The following DAB2IP variants were observed in gnomAD, a reference collection of about 807,000 sequenced individuals.
DAB2IP encodes the protein DAB2 interacting protein.
In DAB2IP, 28 loss-of-function variants were observed where a neutral mutation model predicts 107.2. The observed-to-expected ratio is 0.26, with a 90% confidence interval of 0.19 to 0.36. The LOEUF (loss-of-function observed/expected upper bound fraction) is 0.36. Among genes scored for constraint, DAB2IP ranks in the 10% least tolerant of loss-of-function variants. The pLI is 1.00. For missense variants in DAB2IP, 1,400 were observed against 1,644.7 expected (o/e 0.85, Z 2.57); for synonymous variants, 755 against 706.4 (o/e 1.07, Z -1.09).
chr9:121,644,378 C>T (rs1393132842), intron 1 of DAB2IP, among the ~76,000 whole-genome samples: 2 of 152,140 alleles, frequency 1.3e-5, no homozygotes, highest in Non-Finnish European at 2.9e-5. Flanking sequence ...AGGTGGATCA[C>T]CTGAGGTCAG....
intron 1 of DAB2IP, among the ~76,000 whole-genome samples, chr9:121,655,577 C>T (rs1832937107): frequency 6.6e-6 from 1 of 152,154 alleles, no homozygotes; most frequent in Non-Finnish European, 1.5e-5. Context: ...TTCTAGGGGA[C>T]AGAGCAGTGG....
At chr9:121,654,529 G>A (rs1185797745) in intron 1 of DAB2IP, among the ~76,000 whole-genome samples, 1 of 152,112 alleles carries the variant, frequency 6.6e-6, no homozygotes, top group African/African-American at 2.4e-5. Context: ...GTGGAGGCTG[G>A]AGGCACCCTG....
In DAB2IP at chr9:121,736,038, G is replaced by C. The variant is rs1183637693; in HGVS notation, c.363-20975G>C. On this transcript the variant is annotated intron_variant, in intron 3 of 15. Coordinates refer to ENST00000408936, the Ensembl canonical transcript of DAB2IP. This position sits in a 1 kb window ranked among gnomAD's most constrained non-coding sequence, Gnocchi z 4.6. ...GGGTGCTTTCCAGAAGAGAAAACCC[G>C]GGACTGCTGCCTGGGAACCCAGTGC... 6.6e-6 allele frequency among the ~76,000 whole-genome samples: 1 copy of C among 152,216 alleles called. No individual in the cohort carries two copies. Among genetic ancestry groups the C allele is most frequent in the Non-Finnish European group, 1.5e-5 (1 of 68,038 alleles).
At chr9:121,668,073 A>G (rs2119109070) in intron 1 of DAB2IP, among the ~76,000 whole-genome samples, 1 of 152,298 alleles carries the variant, frequency 6.6e-6, no homozygotes, top group East Asian at 1.9e-4. Context: ...AACCGCCCCC[A>G]TGATCTAAAT....
rs1024556553 is a variant in DAB2IP at position 121,604,891 on chromosome 9, C to A, written c.40+37663C>A. On this transcript the variant is annotated intron_variant, in intron 1 of 16. Transcript: ENST00000259371. ...GCTCCAACTGCCGTGCCTGCACCCC[C>A]CTCCTCAACAGAGTCAAGTGGAGAG... is the stretch of plus-strand genomic sequence containing the variant. Among the ~76,000 whole-genome samples, 6 of 152,342 alleles carry A rather than the reference C, an allele frequency of 3.9e-5. No individual in the cohort carries two copies. In the South Asian group the frequency reaches 1.2e-3, roughly 32 times the overall value.
chr9:121,760,672 T>A lies in DAB2IP; in HGVS notation c.1170+233T>A, dbSNP rs1833821406. Among the ~76,000 whole-genome samples, 2 of 152,102 alleles carry A rather than the reference T, an allele frequency of 1.3e-5. No individual in the cohort carries two copies. The highest frequency in any genetic ancestry group is 6.5e-5 in the Admixed American group (1 of 15,278). On this transcript the variant is annotated intron_variant, in intron 6 of 15. Coordinates refer to ENST00000408936, the Ensembl canonical transcript of DAB2IP. The surrounding 1 kb of genome is among the most constrained non-coding windows in gnomAD (Gnocchi z 5.9). ...TGGAGCCAGTGGATGGGATTGCAGCTGGTAGTGAGGGAGTGGGCTTGGGTT... is the reference window on the plus strand; with the variant it reads ...TGGAGCCAGTGGATGGGATTGCAGCAGGTAGTGAGGGAGTGGGCTTGGGTT...
intron 1 of DAB2IP, among the ~76,000 whole-genome samples, chr9:121,606,193 GA>G (rs201024028): frequency 1.3e-5 from 2 of 150,532 alleles, no homozygotes; most frequent in African/African-American, 2.4e-5. Context: ...AATACAAAAA[GA>G]AAAAAAAATA....
At chr9:121,606,779 T>G (rs1830893293) in intron 1 of DAB2IP, among the ~76,000 whole-genome samples, 3 of 151,666 alleles carry the variant, frequency 2.0e-5, no homozygotes, top group Admixed American at 6.6e-5. Context: ...GTTTTTTGTT[T>G]TTTTTTTTTT....
At chr9:121,778,482 T>A (rs1389187781) in intron 14 of DAB2IP, among the ~76,000 whole-genome samples, 2 of 152,234 alleles carry the variant, frequency 1.3e-5, no homozygotes, top group Admixed American at 6.5e-5. Flanking sequence ...TTAATGTAAT[T>A]ATTGATATAT....
rs1835649974 is a variant in DAB2IP at position 121,781,558 on chromosome 9, G to T, written c.3402+7G>T. On this transcript the variant is annotated splice_region_variant and intron_variant, in intron 15 of 15. Transcript: ENST00000408936. ...GAAGATCATTGATGCCCAGGTGGGG[G>T]CTCCGGCCCTTTGGTCAGCCACAAG... 6.2e-7 allele frequency: 1 copy of T among 1,613,316 alleles called. No homozygotes were observed. Among genetic ancestry groups the T allele is most frequent in the African/African-American group, 1.3e-5 (1 of 74,774 alleles).
At chr9:121,707,599 T>G (rs1013809504) in intron 3 of DAB2IP, among the ~76,000 whole-genome samples, 5 of 152,134 alleles carry the variant, frequency 3.3e-5, no homozygotes, top group Non-Finnish European at 5.9e-5. Flanking sequence ...TGGGGAGAGA[T>G]AGAGATGGCA....
intron 1 of DAB2IP, among the ~76,000 whole-genome samples, chr9:121,600,812 A>G (rs900041866): frequency 9.2e-5 from 14 of 152,164 alleles, no homozygotes; most frequent in African/African-American, 3.4e-4. Flanking sequence ...TCAGAGCTCA[A>G]GGGTCCCGTC....
At chr9:121,746,919 G>A (rs562258149) in intron 3 of DAB2IP, among the ~76,000 whole-genome samples, 1 of 152,322 alleles carries the variant, frequency 6.6e-6, no homozygotes, top group South Asian at 2.1e-4. Context: ...ATGCATGGGT[G>A]TGTTCACATG....
Position 121,749,349 on chromosome 9 carries a change from C to T in DAB2IP, c.363-7664C>T, listed in dbSNP as rs144877176. On this transcript the variant is annotated intron_variant, in intron 3 of 15. Transcript: ENST00000408936. Reference sequence around the variant, plus strand: ...TCTCTTTTTTTCCAGTGTGGGCAGACGCTTCTAGCACAGCCTCTGGACCTG... The same window carrying T: ...TCTCTTTTTTTCCAGTGTGGGCAGATGCTTCTAGCACAGCCTCTGGACCTG... 4.2e-4 allele frequency among the ~76,000 whole-genome samples: 64 copies of T among 152,334 alleles called. No individual in the cohort carries two copies. The East Asian group carries it at 0.012, about 28-fold the overall frequency.
intron 1 of DAB2IP, among the ~76,000 whole-genome samples, chr9:121,640,985 A>C (rs1360722490): frequency 1.3e-5 from 2 of 152,202 alleles, no homozygotes; most frequent in Non-Finnish European, 2.9e-5. Context: ...GACAGGCTAA[A>C]GGGTGGGTCC....
intron 2 of DAB2IP, among the ~76,000 whole-genome samples, chr9:121,682,767 C>G (rs1469493361): frequency 6.6e-6 from 1 of 152,192 alleles, no homozygotes; most frequent in Non-Finnish European, 1.5e-5. Flanking sequence ...AGTTCCCCGA[C>G]CCAGGTTTCA....
chr9:121,734,336 C>G (rs1252217076), intron 3 of DAB2IP, among the ~76,000 whole-genome samples: 1 of 139,306 alleles, frequency 7.2e-6, no homozygotes, highest in Non-Finnish European at 1.5e-5. Flanking sequence ...GAGATTGCGC[C>G]ATTGCAGTCC....
At chr9:121,601,907 C>T (rs1000575560) in intron 1 of DAB2IP, among the ~76,000 whole-genome samples, 1 of 146,918 alleles carries the variant, frequency 6.8e-6, no homozygotes, top group Non-Finnish European at 1.5e-5. Context: ...TGTGTGTGTG[C>T]GCGTGCGTGT....
chr9:121,594,822 T>C (rs766485607), intron 1 of DAB2IP, among the ~76,000 whole-genome samples: 2 of 152,040 alleles, frequency 1.3e-5, no homozygotes, highest in Non-Finnish European at 2.9e-5. Context: ...GATGGTGGAG[T>C]GGGTGGGTTC....
Sources: allele counts gnomAD v4.1 joint callset (sites outside exome capture counted in the v4.1 genomes callset), GRCh38; gene constraint gnomAD v4.1.1; non-coding constraint Gnocchi (gnomAD v3.1); transcripts MANE v1.5; gene names NCBI Gene and HGNC (gene_info 2026-07-23, HGNC 2026-07-21).